The following TEC variants were observed in gnomAD, a reference collection of about 807,000 sequenced individuals.
TEC encodes the protein tec protein tyrosine kinase, also known as tyrosine-protein kinase Tec.
TEC carries 72 observed loss-of-function variants against 93.0 expected under a neutral mutation model. The observed-to-expected ratio is 0.77, with a 90% confidence interval of 0.64 to 0.94. The LOEUF is 0.94. Ranked by LOEUF, TEC falls within the 40% of genes least tolerant of loss-of-function variation. The pLI, the probability that TEC is intolerant of heterozygous loss-of-function variation, is 0.00. For synonymous variants in TEC, 249 were observed against 247.7 expected (o/e 1.01, Z -0.05); for missense variants, 630 against 757.9 (o/e 0.83, Z 1.98).
At chr4:48,157,765 C>G (rs1418027340) in intron 8 of TEC, among the ~76,000 whole-genome samples, 2 of 152,200 alleles carry the variant, frequency 1.3e-5, no homozygotes, top group Non-Finnish European at 2.9e-5. Context: ...ATCTGCCCAC[C>G]TTGGCTTTCC....
chr4:48,174,456 C>T (rs61326763), intron 3 of TEC, among the ~76,000 whole-genome samples: 57,596 of 151,832 alleles, frequency 0.38, 11,936 homozygotes, highest in East Asian at 0.9. Context: ...GCCAGGAGTT[C>T]GAGACCAGCC....
chr4:48,255,646 T>C (rs36081732), intron 1 of TEC, among the ~76,000 whole-genome samples: 32,045 of 152,144 alleles, frequency 0.21, 4,235 homozygotes, highest in Middle Eastern at 0.31. Flanking sequence ...ATTTACTAGC[T>C]GTATGACCTC....
intron 2 of TEC, among the ~76,000 whole-genome samples, chr4:48,202,905 CCATTA>C (rs1166814225): frequency 6.6e-6 from 1 of 152,164 alleles, no homozygotes; most frequent in Non-Finnish European, 1.5e-5. Context: ...ACATTGCTGG[CCATTA>C]CATTAAAGTA....
chr4:48,256,841 T>C (rs543181943), intron 1 of TEC, among the ~76,000 whole-genome samples: 1 of 152,216 alleles, frequency 6.6e-6, no homozygotes, highest in African/African-American at 2.4e-5. Flanking sequence ...GGGATGGGGA[T>C]AGAGTGTCTA....
chr4:48,170,257 A>G lies in TEC; in HGVS notation c.445T>C (p.Phe149Leu), dbSNP rs1721047295. 6.3e-7 allele frequency: 1 copy of G among 1,592,426 alleles called. No homozygotes were observed. The highest frequency in any genetic ancestry group is 8.6e-7 in the Non-Finnish European group (1 of 1,163,040). The change falls in exon 5 of 18, where the codon TTT becomes CTT. Residue 149 changes from phenylalanine (F) to leucine (L), a missense_variant. Transcript: ENST00000381501. ...TAAAATGAATACTTACTGCTCTCAA[A>G]AAGATTGTATTTTTCACATCCGGGT... ...LAPGCEKYNLFESSIRKALPP... is the reference protein window; with the variant it reads ...LAPGCEKYNLLESSIRKALPP...
At position 48,228,609 on chromosome 4, in the gene TEC, A is replaced by G. The variant is rs751442946; in HGVS notation, c.6T>C (p.Asn2=). 4 of 1,612,592 alleles carry G rather than the reference A, an allele frequency of 2.5e-6. No individual in the cohort carries two copies. In the South Asian group the frequency reaches 3.3e-5, roughly 13 times the overall value. The change falls in exon 2 of 18, where the codon AAT becomes AAC. Residue 2 remains asparagine (N), a synonymous_variant. Transcript: ENST00000381501. ...GAATCTCCTCCAAAATAGTGTTAAA[A>G]TTCATCTCCGTCTTCTGATTACTCC... is the stretch of plus-strand genomic sequence containing the variant. M[N]FNTILEEILI...
At chr4:48,193,813 G>A (rs561730744) in intron 2 of TEC, among the ~76,000 whole-genome samples, 10 of 151,518 alleles carry the variant, frequency 6.6e-5, no homozygotes, top group Non-Finnish European at 1.0e-4. Context: ...CTTTATGAAA[G>A]TGGAAATAAC....
chr4:48,158,703 C>A (rs1720500930), intron 8 of TEC, among the ~76,000 whole-genome samples: 1 of 152,112 alleles, frequency 6.6e-6, no homozygotes, highest in African/African-American at 2.4e-5. Flanking sequence ...ATCAGTGAAG[C>A]TAAATTGTAG....
intron 17 of TEC, among the ~76,000 whole-genome samples, chr4:48,137,727 C>G (rs557180348): frequency 1.6e-4 from 24 of 152,242 alleles, no homozygotes; most frequent in African/African-American, 5.8e-4. Flanking sequence ...CTTCAAGACC[C>G]TGATAGATCT....
chr4:48,200,745 A>T (rs1722478684), intron 2 of TEC, among the ~76,000 whole-genome samples: 1 of 152,182 alleles, frequency 6.6e-6, no homozygotes, highest in Non-Finnish European at 1.5e-5. Context: ...CTGGTGGGAG[A>T]TGTCCCTTCT....
chr4:48,189,269 C>G (rs1214614011), intron 2 of TEC, among the ~76,000 whole-genome samples: 1 of 152,070 alleles, frequency 6.6e-6, no homozygotes, highest in Admixed American at 6.5e-5. Context: ...TACCTGTATT[C>G]CTTGACCACC....
At chr4:48,188,703 T>C (rs769977100) in intron 2 of TEC, among the ~76,000 whole-genome samples, 1 of 152,196 alleles carries the variant, frequency 6.6e-6, no homozygotes, top group African/African-American at 2.4e-5. Flanking sequence ...TCATTTATAT[T>C]TGGGAGTGTG....
chr4:48,174,285 A>G (rs1345927287), intron 3 of TEC, among the ~76,000 whole-genome samples: 3 of 152,140 alleles, frequency 2.0e-5, no homozygotes, highest in Admixed American at 6.5e-5. Flanking sequence ...GACAGCAAAA[A>G]TCCTAATGCT....
intron 1 of TEC, among the ~76,000 whole-genome samples, chr4:48,243,365 T>C (rs906734714): frequency 6.6e-6 from 1 of 152,232 alleles, no homozygotes; most frequent in African/African-American, 2.4e-5. Context: ...CTTAATTCCT[T>C]AGAGACTGCT....
intron 3 of TEC, among the ~76,000 whole-genome samples, chr4:48,173,708 A>C (rs1467311885): frequency 6.6e-6 from 1 of 152,216 alleles, no homozygotes; most frequent in Non-Finnish European, 1.5e-5. Flanking sequence ...CCACTCATTC[A>C]TTTATTCCAT....
At chr4:48,227,146 T>C (rs1183595228) in intron 2 of TEC, among the ~76,000 whole-genome samples, 1 of 152,132 alleles carries the variant, frequency 6.6e-6, no homozygotes, top group Non-Finnish European at 1.5e-5. Flanking sequence ...TAAAGGAGTA[T>C]GCTCCTAAAT....
intron 1 of TEC, among the ~76,000 whole-genome samples, chr4:48,248,581 C>A (rs1446381989): frequency 6.6e-6 from 1 of 152,198 alleles, no homozygotes; most frequent in Non-Finnish European, 1.5e-5. Context: ...AACAATCCAG[C>A]CCACAGAATA....
At chr4:48,142,947 G>A (rs1300112605) in intron 14 of TEC, among the ~76,000 whole-genome samples, 1 of 152,194 alleles carries the variant, frequency 6.6e-6, no homozygotes, top group Non-Finnish European at 1.5e-5. Flanking sequence ...CTCCAAAAGT[G>A]CTGGCATTAC....
intron 2 of TEC, among the ~76,000 whole-genome samples, chr4:48,195,468 G>A (rs926772464): frequency 5.3e-5 from 8 of 152,104 alleles, no homozygotes; most frequent in Admixed American, 4.6e-4. Context: ...AGTGCACACT[G>A]GGCTCAGAAC....
Sources: allele counts gnomAD v4.1 joint callset (sites outside exome capture counted in the v4.1 genomes callset), GRCh38; gene constraint gnomAD v4.1.1; transcripts MANE v1.5; gene names NCBI Gene and HGNC (gene_info 2026-07-23, HGNC 2026-07-21).